Variants in ILRUN observed in about 807,000 individuals in gnomAD.
ILRUN encodes protein ILRUN.
ILRUN carries 3 observed loss-of-function variants against 33.8 expected under a neutral mutation model. The observed-to-expected ratio is 0.09, with a 90% CI of 0.04 to 0.23. The LOEUF is 0.23. ILRUN is among the 10% of genes least tolerant of loss of function. The pLI, the probability that ILRUN is intolerant of heterozygous loss-of-function variation, is 1.00. For synonymous variants in ILRUN, 124 were observed against 138.9 expected, an observed-to-expected ratio of 0.89 and a Z score of 0.75; for missense variants, 210 against 375.1, an observed-to-expected ratio of 0.56 and a Z score of 3.64.
In ILRUN at chr6:34,686,604, G is replaced by C. The variant is rs181015911; in HGVS notation, c.158+9842C>G. 1.5e-4 allele frequency: 31 copies of C among 211,760 alleles called. No homozygotes were observed. The East Asian group carries it at 3.6e-3, about 24-fold the overall frequency. The allele number at this position is 211,760 out of a possible 1,614,324, so 13.1% of individuals were successfully genotyped here. A position where few individuals can be genotyped will look rare whatever the true frequency, so the allele number is the denominator to read the frequency against. On this transcript the variant is annotated intron_variant, in intron 1 of 4. Coordinates refer to ENST00000374023, the MANE Select transcript of ILRUN (RefSeq NM_024294.4). ...CTGACAGTGCTCCAGCAAACATAAT[G>C]AACATTCCTAAAAGCCACCAGACTT...
In ILRUN at chr6:34,587,822, A is replaced by G. The variant is rs891808003; in HGVS notation, c.*2743T>C. ...CATCCACACACACACACCTCACTCC[A>G]TGCACACTGACAGATTCTTCCCAAG... On this transcript the variant is annotated 3_prime_UTR_variant, in exon 5 of 5. Transcript: ENST00000374023. The G allele has an allele frequency of 5.2e-6, 2 of 383,838 alleles. No individual in the cohort carries two copies. Among genetic ancestry groups the G allele is most frequent in the African/African-American group, 4.1e-5 (2 of 48,338 alleles). The allele number at this position is 383,838 out of a possible 1,614,324, so 23.8% of individuals were successfully genotyped here.
chr6:34,632,271 T>C (rs1308313039), intron 3 of ILRUN, among the ~76,000 whole-genome samples: 1 of 152,030 alleles, frequency 6.6e-6, no homozygotes, highest in East Asian at 1.9e-4. Context: ...AGAAACCCCG[T>C]CTCTACTCAA....
chr6:34,600,934 G>A (rs1160872520), intron 4 of ILRUN, among the ~76,000 whole-genome samples: 1 of 152,214 alleles, frequency 6.6e-6, no homozygotes, highest in Non-Finnish European at 1.5e-5. Flanking sequence ...AACTGCTTTT[G>A]TTGGTATCCT....
At chr6:34,624,682 T>C (rs1359210070) in intron 3 of ILRUN, among the ~76,000 whole-genome samples, 1 of 152,170 alleles carries the variant, frequency 6.6e-6, no homozygotes, top group Non-Finnish European at 1.5e-5. Context: ...CAACCACCCA[T>C]TCCTCTGGTA....
intron 3 of ILRUN, among the ~76,000 whole-genome samples, chr6:34,618,912 T>C (rs1270146477): frequency 6.6e-6 from 1 of 151,450 alleles, no homozygotes; most frequent in African/African-American, 2.4e-5. Flanking sequence ...AAACCGGGAG[T>C]CTATGGTGCT....
intron 1 of ILRUN, among the ~76,000 whole-genome samples, chr6:34,675,061 A>C (rs1486398735): frequency 6.6e-6 from 1 of 152,164 alleles, no homozygotes; most frequent in Non-Finnish European, 1.5e-5. Flanking sequence ...TGGGCTAATC[A>C]CCTGAGGTTA....
In ILRUN at chr6:34,590,499, C is replaced by T. The variant is rs1208590106; in HGVS notation, c.*66G>A. On this transcript the variant is annotated 3_prime_UTR_variant, in exon 5 of 5. Coordinates refer to ENST00000374023, the MANE Select transcript of ILRUN (RefSeq NM_024294.4). Reference sequence around the variant, plus strand: ...TGTGGTCTGCAATCCAGAGGAACCCCTTGCCCTAACCCCCCAAAGTCAGGC... The same window carrying T: ...TGTGGTCTGCAATCCAGAGGAACCCTTTGCCCTAACCCCCCAAAGTCAGGC... The T allele has an allele frequency of 6.2e-7, 1 of 1,611,106 alleles. No homozygotes were observed. Among genetic ancestry groups the T allele is most frequent in the Non-Finnish European group, 8.5e-7 (1 of 1,178,652 alleles).
rs1189455774 is a variant in ILRUN, at chr6:34,592,852, T to A, written c.862-2252A>T. 2.0e-5 allele frequency among the ~76,000 whole-genome samples: 3 copies of A among 152,156 alleles called. No homozygotes were observed. The highest frequency in any genetic ancestry group is 4.4e-5 in the Non-Finnish European group (3 of 68,030). On this transcript the variant is annotated intron_variant, in intron 4 of 4. Transcript: ENST00000374023. The surrounding 1 kb of genome is among the most constrained non-coding windows in gnomAD (Gnocchi z 4.0). The stretch of plus-strand genomic sequence containing the variant: ...AGAACCAATACAATGCTCAAAGGTC[T>A]CTGTGCAGGAAAAAAAAATGCACAG...
chr6:34,696,240 C>T, intron 1 of ILRUN: 1 of 541,680 alleles, frequency 1.8e-6, no homozygotes, highest in Non-Finnish European at 3.2e-6. Context: ...CTCCTGCCTC[C>T]GTGGTCCCTA....
chr6:34,631,420 TG>T (rs1762242993), intron 3 of ILRUN, among the ~76,000 whole-genome samples: 1 of 151,932 alleles, frequency 6.6e-6, no homozygotes, highest in African/African-American at 2.4e-5. Flanking sequence ...CTCCGCCTCC[TG>T]GGTTCAAGCC....
intron 4 of ILRUN, among the ~76,000 whole-genome samples, chr6:34,599,229 T>A (rs1433515874): frequency 6.6e-6 from 1 of 152,252 alleles, no homozygotes; most frequent in Non-Finnish European, 1.5e-5. Context: ...CTATTATTTT[T>A]TCAAATGAGG....
intron 4 of ILRUN, among the ~76,000 whole-genome samples, chr6:34,602,325 C>G (rs1219223189): frequency 6.6e-6 from 1 of 152,156 alleles, no homozygotes; most frequent in African/African-American, 2.4e-5. Flanking sequence ...CACTTGGGGT[C>G]TTATTGCTCT....
intron 1 of ILRUN, among the ~76,000 whole-genome samples, chr6:34,665,327 G>A (rs958793112): frequency 1.3e-5 from 2 of 150,534 alleles, no homozygotes; most frequent in South Asian, 4.2e-4. Context: ...AGCCAGGCTT[G>A]GTGGCACACA....
At chr6:34,635,536 AAAG>A (rs1229832865) in intron 3 of ILRUN, among the ~76,000 whole-genome samples, 1 of 146,368 alleles carries the variant, frequency 6.8e-6, no homozygotes, top group Non-Finnish European at 1.5e-5. Context: ...TGTCTGAAAA[AAAG>A]AAAGAAAGGA....
chr6:34,600,901 C>G (rs981689131), intron 4 of ILRUN, among the ~76,000 whole-genome samples: 1 of 152,228 alleles, frequency 6.6e-6, no homozygotes, highest in African/African-American at 2.4e-5. Context: ...TAAGAGAACA[C>G]AGCATGCTTA....
At chr6:34,637,129 TG>T (rs911832943) in intron 3 of ILRUN, among the ~76,000 whole-genome samples, 4 of 152,154 alleles carry the variant, frequency 2.6e-5, no homozygotes, top group African/African-American at 7.2e-5. Flanking sequence ...ACTTCAGAAC[TG>T]GGGAAGTGCA....
At chr6:34,628,751 G>C (rs1446571370) in intron 3 of ILRUN, among the ~76,000 whole-genome samples, 1 of 152,120 alleles carries the variant, frequency 6.6e-6, no homozygotes. Flanking sequence ...TTGGGTATTA[G>C]GGTAACGTTG....
chr6:34,631,982 T>C (rs1191138907), intron 3 of ILRUN, among the ~76,000 whole-genome samples: 1 of 152,212 alleles, frequency 6.6e-6, no homozygotes, highest in East Asian at 1.9e-4. Context: ...AAACTGTGTT[T>C]TTAAAAGTAT....
intron 3 of ILRUN, among the ~76,000 whole-genome samples, chr6:34,613,246 C>CAAA (rs1028047098): frequency 4.9e-5 from 7 of 142,466 alleles, no homozygotes; most frequent in Non-Finnish European, 9.1e-5. Flanking sequence ...ACAACAACAA[C>CAAA]AAAAAACCAA....
Sources: allele counts gnomAD v4.1 joint callset (sites outside exome capture counted in the v4.1 genomes callset), GRCh38; gene constraint gnomAD v4.1.1; non-coding constraint Gnocchi (gnomAD v3.1); transcripts MANE v1.5; gene names NCBI Gene and HGNC (gene_info 2026-07-23, HGNC 2026-07-21).